Variants in SLC36A3 observed in about 807,000 individuals in gnomAD.
SLC36A3 encodes solute carrier family 36 member 3.
A neutral mutation model predicts 44.3 loss-of-function variants in SLC36A3; 35 were observed. That is an observed-to-expected ratio of 0.79 (90% CI 0.60 to 1.05). SLC36A3 has a LOEUF of 1.05. Among genes scored for constraint, SLC36A3 ranks in the 50% least tolerant of loss-of-function variants. SLC36A3 has a pLI of 0.00. For synonymous variants in SLC36A3, 211 were observed against 227.6 expected, an observed-to-expected ratio of 0.93 and a Z score of 0.66; for missense variants, 540 against 578.7, an observed-to-expected ratio of 0.93 and a Z score of 0.69.
chr5:151,284,413 A>T (rs1163076262), intron 7 of SLC36A3, among the ~76,000 whole-genome samples, 200 bp downstream of exon 7: 1 of 152,208 alleles, frequency 6.6e-6, no homozygotes, highest in Non-Finnish European at 1.5e-5. Context: ...TTGGTTGATT[A>T]GTAAATTCTC....
intron 3 of SLC36A3, among the ~76,000 whole-genome samples, chr5:151,295,042 A>G (rs1460815078): frequency 6.6e-6 from 1 of 150,842 alleles, no homozygotes; most frequent in Non-Finnish European, 1.5e-5. Context: ...CTATATTAGA[A>G]AAAATAAAAG....
At position 151,281,124 on chromosome 5, in the gene SLC36A3, T is replaced by TGGAGGGCATAGGTGAAGA; in HGVS notation, c.1016_1033dup (p.Leu344_Gln345insLeuPheThrTyrAlaLeu). The TGGAGGGCATAGGTGAAGA allele has an allele frequency of 6.2e-7, 1 of 1,614,150 alleles. No individual in the cohort carries two copies. The highest frequency in any genetic ancestry group is 1.3e-5 in the African/African-American group (1 of 75,030). On this transcript the variant is annotated inframe_insertion, in exon 9 of 10. Transcript: ENST00000335230. ...GATGATCTCAGCTGGGACGTGGAAC[T>TGGAGGGCATAGGTGAAGA]GGAGGGCATAGGTGAAGAAGATGCC...
chr5:151,302,013 C>T (rs1194221378), intron 1 of SLC36A3, among the ~76,000 whole-genome samples: 1 of 152,064 alleles, frequency 6.6e-6, no homozygotes, highest in Non-Finnish European at 1.5e-5. Flanking sequence ...ACTTACAGTA[C>T]AAAATTCAAA....
intron 9 of SLC36A3, among the ~76,000 whole-genome samples, chr5:151,279,310 C>T (rs374978724): frequency 3.3e-5 from 5 of 151,448 alleles, no homozygotes; most frequent in African/African-American, 1.2e-4. Context: ...CATTGCAATG[C>T]ACTGTAATTA....
intron 1 of SLC36A3, among the ~76,000 whole-genome samples, chr5:151,299,248 CTCTCTCTCTCTCTCTCTATATA>C (rs1204107018): frequency 3.6e-4 from 34 of 95,170 alleles, no homozygotes; most frequent in African/African-American, 1.0e-3. Context: ...CTCTCTCTCT[CTCTCTCTCTCTCTCTCTATATA>C]TATATATATA....
At chr5:151,302,752 T>A (rs987525842) in intron 1 of SLC36A3, among the ~76,000 whole-genome samples, 31 of 151,980 alleles carry the variant, frequency 2.0e-4, no homozygotes, top group African/African-American at 7.5e-4. Context: ...AAATTTAATT[T>A]AATTAAAAAA....
Position 151,303,293 on chromosome 5 carries a change from G to T in SLC36A3, c.62C>A (p.Ser21Ter), listed in dbSNP as rs770281138. The change falls in exon 1 of 10, where the codon TCA (serine) becomes TAA (stop). Residue 21 changes from serine (S) to a stop codon, truncating the protein, a stop_gained. Transcript: ENST00000335230. LOFTEE classifies it high-confidence loss of function. ...AATGCTACTGCTGCTCTCTGAGGGT[G>T]ACTGAGGTCCGTTGTCCAAGGAGTT... ...ELNSLDNGPQ[S>*]PSESSSSITS... 1.2e-5 allele frequency: 19 copies of T among 1,614,152 alleles called. No homozygotes were observed. Among genetic ancestry groups the T allele is most frequent in the Non-Finnish European group, 1.5e-5 (18 of 1,180,020 alleles).
At chr5:151,289,906 C>A (rs1754692207) in intron 4 of SLC36A3, among the ~76,000 whole-genome samples, 1 of 152,160 alleles carries the variant, frequency 6.6e-6, no homozygotes, top group South Asian at 2.1e-4. Context: ...TTTGAGATGG[C>A]ATGATTATCC....
chr5:151,282,091 T>C (rs1754339155), intron 8 of SLC36A3, among the ~76,000 whole-genome samples: 1 of 149,696 alleles, frequency 6.7e-6, no homozygotes, highest in African/African-American at 2.4e-5. Context: ...ATTTACCCAA[T>C]ATTTCTTTTC....
Position 151,277,462 on chromosome 5 carries a change from G to A in SLC36A3, c.1344C>T (p.Tyr448=), listed in dbSNP as rs563362477. 1 of 1,614,042 alleles carries A rather than the reference G, an allele frequency of 6.2e-7. No individual in the cohort carries two copies. Among genetic ancestry groups the A allele is most frequent in the Non-Finnish European group, 8.5e-7 (1 of 1,180,024 alleles). ...GTTGGGGCAACTCATAGAGGGCTTG[G>A]TATGTCCCAAATATACACCCTAAAA... is the stretch of plus-strand genomic sequence containing the variant. ...VGLLGCIFGT[Y]QALYELPQPI... The change falls in exon 10 of 10, where the codon TAC becomes TAT. Residue 448 remains tyrosine, a synonymous_variant. Coordinates refer to ENST00000335230, the MANE Select transcript of SLC36A3 (RefSeq NM_181774.4).
Position 151,298,544 on chromosome 5 carries a change from C to T in SLC36A3, c.219+49G>A, listed in dbSNP as rs576348866. 27 of 1,587,764 alleles carry T rather than the reference C, an allele frequency of 1.7e-5. No individual in the cohort carries two copies. In the South Asian group the frequency reaches 2.9e-4, roughly 17 times the overall value. ...TGAAGGCCTTCAGGACCTATCACCC[C>T]CTTCTGCAAATGAGCAAACCTAGTT... On this transcript the variant is annotated intron_variant, in intron 2 of 9. Coordinates refer to ENST00000335230, the MANE Select transcript of SLC36A3 (RefSeq NM_181774.4).
At chr5:151,300,722 T>C (rs246498) in intron 1 of SLC36A3, among the ~76,000 whole-genome samples, 106,962 of 152,128 alleles carry the variant, frequency 0.7, 39,416 homozygotes, top group East Asian at 0.98. Flanking sequence ...TCCCCTGAGA[T>C]TTAAAAAATT....
chr5:151,281,032 C>A lies in SLC36A3; in HGVS notation c.1126G>T (p.Ala376Ser). Residue 376 changes from alanine to serine, a missense_variant, in exon 9 of 10, where the codon GCC becomes TCC. By Grantham distance (99) the Ala-to-Ser change is moderately conservative (BLOSUM62 1). Coordinates refer to ENST00000335230, the MANE Select transcript of SLC36A3 (RefSeq NM_181774.4). ...TACTCACAGGTTAGACAGACCAAGG[C>A]TGAGCGGACAGACAGGTCTACAAAC... ...ALFVDLSVRS[A>S]LVCLTCVSAI... is the part of the protein sequence containing the mutation. The A allele has an allele frequency of 6.2e-7, 1 of 1,614,180 alleles. No individual in the cohort carries two copies. The highest frequency in any genetic ancestry group is 8.5e-7 in the Non-Finnish European group (1 of 1,180,034).
intron 7 of SLC36A3, 91 bp downstream of exon 7, chr5:151,284,522 T>G: frequency 9.7e-7 from 1 of 1,029,966 alleles, no homozygotes. Flanking sequence ...CTGCACCTTT[T>G]CATAAATACT....
intron 1 of SLC36A3, among the ~76,000 whole-genome samples, chr5:151,300,052 C>G (rs915865285): frequency 2.0e-5 from 3 of 152,194 alleles, no homozygotes; most frequent in Non-Finnish European, 4.4e-5. Flanking sequence ...GAAGTGCCCC[C>G]TCCACCCAAG....
rs536005663 is a variant in SLC36A3, at chr5:151,289,700, C to T, written c.405-1230G>A. ...TTGTCTTATAGAACGCCCCACATTG[C>T]GGGCTTGTATGATTGCTTCCTCGTG... On this transcript the variant is annotated intron_variant, in intron 4 of 9. Transcript: ENST00000335230. Among the ~76,000 whole-genome samples the T allele has an allele frequency of 7.2e-5, 11 of 152,196 alleles. No homozygotes were observed. The South Asian group carries it at 1.7e-3, about 23-fold the overall frequency.
chr5:151,284,276 G>GCCC, intron 7 of SLC36A3, 66 bp from the exon 8 acceptor site: 1 of 1,413,652 alleles, frequency 7.1e-7, no homozygotes, highest in Non-Finnish European at 9.6e-7. Flanking sequence ...GTGAAGGAGA[G>GCCC]GGTTCCCGTA....
intron 6 of SLC36A3, among the ~76,000 whole-genome samples, chr5:151,285,398 T>C (rs1754498452): frequency 1.3e-5 from 2 of 152,210 alleles, no homozygotes; most frequent in South Asian, 4.1e-4. Context: ...CCAAGGTCAC[T>C]ATGCAAGTTA....
At chr5:151,290,118 T>C (rs1754701804) in intron 4 of SLC36A3, among the ~76,000 whole-genome samples, 1 of 152,246 alleles carries the variant, frequency 6.6e-6, no homozygotes, top group African/African-American at 2.4e-5. Flanking sequence ...TAATATCTTA[T>C]ACTCTGTTAT....
Sources: allele counts gnomAD v4.1 joint callset (sites outside exome capture counted in the v4.1 genomes callset), GRCh38; gene constraint gnomAD v4.1.1; transcripts MANE v1.5; gene names NCBI Gene and HGNC (gene_info 2026-07-23, HGNC 2026-07-21).